Variants in SORCS2 observed in about 807,000 individuals in gnomAD.
SORCS2 encodes the protein VPS10 domain-containing receptor SorCS2.
In SORCS2, 100 loss-of-function variants were observed where a neutral mutation model predicts 141.6. That is an observed-to-expected ratio of 0.71 (90% CI 0.60 to 0.83). The LOEUF (loss-of-function observed/expected upper bound fraction) is 0.83. SORCS2 is among the 40% of genes least tolerant of loss of function. The pLI is 0.00. For synonymous variants in SORCS2, 789 were observed against 676.9 expected (o/e 1.17, Z -2.57); for missense variants, 1,646 against 1,560.2 (o/e 1.05, Z -0.93).
intron 1 of SORCS2, among the ~76,000 whole-genome samples, chr4:7,234,714 C>T (rs374488347): frequency 1.3e-4 from 20 of 152,248 alleles, no homozygotes; most frequent in Middle Eastern, 3.2e-3. Context: ...TTTGCTGTCA[C>T]GGTGCCTGGC....
intron 1 of SORCS2, among the ~76,000 whole-genome samples, chr4:7,358,187 A>G (rs897436706): frequency 2.0e-5 from 3 of 152,192 alleles, no homozygotes; most frequent in African/African-American, 7.2e-5. Context: ...GTACATGCCC[A>G]TAGTGTGGGT....
intron 3 of SORCS2, among the ~76,000 whole-genome samples, chr4:7,606,072 G>T (rs562021920): frequency 1.3e-5 from 2 of 152,120 alleles, no homozygotes; most frequent in Non-Finnish European, 2.9e-5. Context: ...GAGTGGAGAC[G>T]GGGACTCCTT....
intron 2 of SORCS2, among the ~76,000 whole-genome samples, chr4:7,451,183 C>A (rs750675833): frequency 6.6e-6 from 1 of 151,996 alleles, no homozygotes; most frequent in Admixed American, 6.5e-5. Context: ...TGAATAAATG[C>A]GTGAATGAAT....
At chr4:7,311,456 C>T (rs912151460) in intron 1 of SORCS2, among the ~76,000 whole-genome samples, 7 of 152,180 alleles carry the variant, frequency 4.6e-5, no homozygotes, top group Non-Finnish European at 5.9e-5. Flanking sequence ...GCTGAATCAT[C>T]TCCGGGATAT....
At chr4:7,318,156 G>C (rs1217492947) in intron 1 of SORCS2, among the ~76,000 whole-genome samples, 2 of 152,176 alleles carry the variant, frequency 1.3e-5, no homozygotes, top group South Asian at 2.1e-4. Flanking sequence ...TATATACTTG[G>C]TTTGGTCCTC....
intron 2 of SORCS2, among the ~76,000 whole-genome samples, chr4:7,441,735 C>T (rs1481165890): frequency 8.7e-6 from 1 of 115,090 alleles, no homozygotes; most frequent in African/African-American, 3.5e-5. Context: ...TACCCTCCAC[C>T]CCCTCCCCCA....
In SORCS2 at chr4:7,597,835, G is replaced by A. The variant is rs556066571; in HGVS notation, c.649-40493G>A. The stretch of plus-strand genomic sequence containing the variant: ...TCTTTCATTGGGAAGCAAAAGCTCC[G>A]TGGAACTGGTGAGGGAGGAGGGGTG... On this transcript the variant is annotated intron_variant, in intron 3 of 26. Transcript: ENST00000507866. 9.9e-5 allele frequency among the ~76,000 whole-genome samples: 15 copies of A among 152,176 alleles called. No homozygotes were observed. In the South Asian group the frequency reaches 1.7e-3, roughly 17 times the overall value.
intron 8 of SORCS2, among the ~76,000 whole-genome samples, chr4:7,675,695 C>G (rs1311053360): frequency 6.6e-6 from 1 of 152,170 alleles, no homozygotes; most frequent in Non-Finnish European, 1.5e-5. Context: ...AATCAACCAT[C>G]TGGGGGTGCA....
intron 3 of SORCS2, among the ~76,000 whole-genome samples, chr4:7,574,961 A>G (rs890673598): frequency 7.9e-5 from 12 of 152,256 alleles, no homozygotes; most frequent in Non-Finnish European, 1.5e-4. Context: ...AGAGCACTCC[A>G]GATGCCTGAG....
intron 3 of SORCS2, among the ~76,000 whole-genome samples, chr4:7,546,755 G>C (rs557675594): frequency 6.6e-6 from 1 of 152,182 alleles, no homozygotes; most frequent in African/African-American, 2.4e-5. Flanking sequence ...CAGCTTCCCT[G>C]TTAAGCAAGA....
chr4:7,224,070 G>A (rs1038815097), intron 1 of SORCS2, among the ~76,000 whole-genome samples: 1 of 152,210 alleles, frequency 6.6e-6, no homozygotes, highest in Non-Finnish European at 1.5e-5. Context: ...GGGCTGGTGG[G>A]GGAAGGCTGT....
chr4:7,500,547 G>A (rs1380912241), intron 2 of SORCS2, among the ~76,000 whole-genome samples: 1 of 151,984 alleles, frequency 6.6e-6, no homozygotes, highest in Non-Finnish European at 1.5e-5. Context: ...TAACCACAGA[G>A]GATGTCAGTG....
At chr4:7,491,332 C>T (rs1731303370) in intron 2 of SORCS2, among the ~76,000 whole-genome samples, 1 of 152,226 alleles carries the variant, frequency 6.6e-6, no homozygotes, top group Non-Finnish European at 1.5e-5. Context: ...TGAGGCTGCA[C>T]TGGGCTGGGG....
At chr4:7,521,046 G>T (rs927770350) in intron 2 of SORCS2, among the ~76,000 whole-genome samples, 1 of 152,164 alleles carries the variant, frequency 6.6e-6, no homozygotes, top group African/African-American at 2.4e-5. Flanking sequence ...AATCTTGGGC[G>T]AGTTACTTAA....
chr4:7,370,280 C>T (rs1355111872), intron 1 of SORCS2, among the ~76,000 whole-genome samples: 1 of 152,186 alleles, frequency 6.6e-6, no homozygotes, highest in Non-Finnish European at 1.5e-5. Context: ...GAGAGCTGCT[C>T]AGGACTTTCC....
intron 1 of SORCS2, among the ~76,000 whole-genome samples, chr4:7,391,012 G>T (rs1723825097): frequency 6.6e-6 from 1 of 152,134 alleles, no homozygotes; most frequent in Non-Finnish European, 1.5e-5. Flanking sequence ...TCTGATTTCT[G>T]GTCTAAGTTT....
intron 3 of SORCS2, among the ~76,000 whole-genome samples, chr4:7,569,048 A>T (rs1432573761): frequency 6.6e-6 from 1 of 152,198 alleles, no homozygotes; most frequent in Non-Finnish European, 1.5e-5. Flanking sequence ...GGATGTCTGT[A>T]TCAGTAGCTG....
intron 2 of SORCS2, among the ~76,000 whole-genome samples, chr4:7,470,133 G>A (rs759849784): frequency 6.6e-6 from 1 of 152,024 alleles, no homozygotes; most frequent in Non-Finnish European, 1.5e-5. Context: ...AACTGTCCAG[G>A]GTCAAACAGT....
At chr4:7,484,197 C>T (rs1361652500) in intron 2 of SORCS2, among the ~76,000 whole-genome samples, 4 of 152,212 alleles carry the variant, frequency 2.6e-5, no homozygotes, top group South Asian at 2.1e-4. Flanking sequence ...TCCCACAGCT[C>T]GCGTCCCTGC....
Sources: gnomAD v4.1 joint callset for allele counts (sites outside exome capture counted in the v4.1 genomes callset) on GRCh38, gnomAD v4.1.1 for gene constraint, MANE v1.5 for transcripts, NCBI Gene and HGNC (gene_info 2026-07-23, HGNC 2026-07-21) for gene names.